The following PRKCQ variants were observed in gnomAD, a reference collection of about 807,000 sequenced individuals.
The protein encoded by PRKCQ is protein kinase C theta, also known as protein kinase C theta type.
PRKCQ carries 41 observed loss-of-function variants against 91.2 expected under a neutral mutation model. The ratio of observed to expected loss-of-function variants is 0.45; its 90% confidence interval spans 0.35 to 0.58. The LOEUF is 0.58. Ranked by LOEUF, PRKCQ falls within the 20% of genes least tolerant of loss-of-function variation. The probability of loss-of-function intolerance (pLI) is 0.00; values close to 1 mark genes in which losing one functional copy is unlikely to be tolerated. For missense variants in PRKCQ, 673 were observed against 896.5 expected (o/e 0.75, Z 3.18); for synonymous variants, 307 against 316.9 (o/e 0.97, Z 0.33).
At chr10:6,488,987 T>G (rs1837105417) in intron 8 of PRKCQ, among the ~76,000 whole-genome samples, 1 of 152,308 alleles carries the variant, frequency 6.6e-6, no homozygotes, top group East Asian at 1.9e-4. Context: ...CTCACTTTGT[T>G]GCCCAGGCTG....
chr10:6,420,189 A>G, the PRKCQ span, among the ~76,000 whole-genome samples: 2 of 152,116 alleles, frequency 1.3e-5, no homozygotes, highest in Non-Finnish European at 2.9e-5. Flanking sequence ...GGGTTTCACC[A>G]TATTGGTCAA....
At chr10:6,411,519 T>C in the PRKCQ span, among the ~76,000 whole-genome samples, 2 of 152,142 alleles carry the variant, frequency 1.3e-5, no homozygotes, top group Non-Finnish European at 2.9e-5. Context: ...TAGAAGGACA[T>C]CAAAAACAAA....
chr10:6,552,082 CT>C (rs1320360837), intron 1 of PRKCQ, among the ~76,000 whole-genome samples: 3 of 152,114 alleles, frequency 2.0e-5, no homozygotes, highest in African/African-American at 4.8e-5. Flanking sequence ...TGATAGTGAA[CT>C]TTTTTTCATA....
intron 1 of PRKCQ, among the ~76,000 whole-genome samples, chr10:6,578,488 A>AC (rs1481411233): frequency 2.0e-5 from 3 of 152,248 alleles, no homozygotes; most frequent in African/African-American, 7.2e-5. Context: ...TTGAAATCAG[A>AC]AACAGAAGTT....
At chr10:6,467,313 G>C (rs976607170) in intron 12 of PRKCQ, among the ~76,000 whole-genome samples, 7 of 135,610 alleles carry the variant, frequency 5.2e-5, no homozygotes, top group African/African-American at 1.3e-4. Context: ...GAGAGAGAGA[G>C]AGAGAGACAG....
At chr10:6,493,031 CCA>C (rs1232030941) in intron 7 of PRKCQ, among the ~76,000 whole-genome samples, 1 of 152,178 alleles carries the variant, frequency 6.6e-6, no homozygotes, top group Non-Finnish European at 1.5e-5. Flanking sequence ...CACTTATATT[CCA>C]CAGTTTAAAT....
At chr10:6,549,253 G>C (rs1163992308) in intron 1 of PRKCQ, among the ~76,000 whole-genome samples, 1 of 152,196 alleles carries the variant, frequency 6.6e-6, no homozygotes, top group African/African-American at 2.4e-5. Context: ...GGAGAAAGCA[G>C]TATGGAGTTG....
chr10:6,456,642 G>T (rs769149917), intron 15 of PRKCQ, 32 bp downstream of exon 15: 1 of 1,611,742 alleles, frequency 6.2e-7, no homozygotes, highest in Non-Finnish European at 8.5e-7. Context: ...AGGGCATGGT[G>T]AGGTGGGAGC....
chr10:6,527,736 G>A (rs989007370), intron 1 of PRKCQ, among the ~76,000 whole-genome samples: 6 of 151,988 alleles, frequency 3.9e-5, no homozygotes, highest in African/African-American at 9.7e-5. Context: ...AAAAGGCCCC[G>A]AGCTTCTCCC....
At chr10:6,567,522 T>C (rs2130968103) in intron 1 of PRKCQ, among the ~76,000 whole-genome samples, 1 of 152,308 alleles carries the variant, frequency 6.6e-6, no homozygotes, top group East Asian at 1.9e-4. Flanking sequence ...TATCTGACCC[T>C]GTGCTTACAT....
chr10:6,467,395 G>GAGAGAGAGAGACAGAC, intron 12 of PRKCQ, among the ~76,000 whole-genome samples: 2 of 58,446 alleles, frequency 3.4e-5, no homozygotes, highest in South Asian at 1.6e-3. Flanking sequence ...CAGACAGAGA[G>GAGAGAGAGAGACAGAC]AGAGAGAGAG....
chr10:6,425,810 AAAAC>A (rs1327226289), downstream of PRKCQ, among the ~76,000 whole-genome samples: 8 of 152,326 alleles, frequency 5.3e-5, no homozygotes, highest in South Asian at 2.1e-4. Flanking sequence ...AATAAAAAAT[AAAAC>A]AAACAAAACC....
At chr10:6,487,181 T>C (rs563825527) in intron 8 of PRKCQ, among the ~76,000 whole-genome samples, 3 of 152,298 alleles carry the variant, frequency 2.0e-5, no homozygotes, top group Non-Finnish European at 4.4e-5. Flanking sequence ...CAAGGATTAC[T>C]AGATGAGAAT....
chr10:6,531,087 A>T (rs1334030981), intron 1 of PRKCQ, among the ~76,000 whole-genome samples: 1 of 152,130 alleles, frequency 6.6e-6, no homozygotes, highest in African/African-American at 2.4e-5. Flanking sequence ...GAGAAACAGC[A>T]ACATCAGCAT....
At chr10:6,543,048 G>T (rs1380719885) in intron 1 of PRKCQ, among the ~76,000 whole-genome samples, 1 of 152,206 alleles carries the variant, frequency 6.6e-6, no homozygotes, top group African/African-American at 2.4e-5. Flanking sequence ...CACAGGCTGG[G>T]AAGTCACTAT....
chr10:6,410,793 G>A, the PRKCQ span, among the ~76,000 whole-genome samples: 1 of 152,128 alleles, frequency 6.6e-6, no homozygotes, highest in Non-Finnish European at 1.5e-5. Flanking sequence ...GACCAGCCTG[G>A]CCAACATGGT....
At chr10:6,483,289 G>A in intron 11 of PRKCQ, 151 bp downstream of exon 11, 1 of 979,654 alleles carries the variant, frequency 1.0e-6, no homozygotes, top group Admixed American at 2.3e-5. Flanking sequence ...GAGCCCTCGG[G>A]GTCCCTATTT....
intron 1 of PRKCQ, chr10:6,515,556 A>G (rs987122825): frequency 2.1e-6 from 2 of 967,890 alleles, no homozygotes; most frequent in Non-Finnish European, 2.5e-6. Context: ...AGTCTATTTT[A>G]GTCACACTAG....
chr10:6,523,982 CT>C (rs1839112549), intron 1 of PRKCQ, among the ~76,000 whole-genome samples: 1 of 152,194 alleles, frequency 6.6e-6, no homozygotes, highest in African/African-American at 2.4e-5. Flanking sequence ...CACAGCACGA[CT>C]CTCAGCGGAG....
Sources: allele counts gnomAD v4.1 joint callset (sites outside exome capture counted in the v4.1 genomes callset), GRCh38; gene constraint gnomAD v4.1.1; transcripts MANE v1.5; gene names NCBI Gene and HGNC (gene_info 2026-07-23, HGNC 2026-07-21).